CNTNAP2: variants seen among roughly 807,000 people sequenced by gnomAD.
The protein encoded by CNTNAP2 is contactin-associated protein-like 2.
CNTNAP2 carries 98 observed loss-of-function variants against 155.2 expected under a neutral mutation model. That is an observed-to-expected ratio of 0.63 (90% CI 0.54 to 0.75). The LOEUF (loss-of-function observed/expected upper bound fraction) is 0.75, where lower values mean the gene tolerates loss of function less well. CNTNAP2 is among the 30% of genes least tolerant of loss of function. CNTNAP2 has a pLI of 0.00. For missense variants in CNTNAP2, 1,727 were observed against 1,688.1 expected (o/e 1.02, Z -0.40); for synonymous variants, 651 against 631.2 (o/e 1.03, Z -0.47).
At chr7:147,397,773 T>A (rs1487155279) in intron 10 of CNTNAP2, among the ~76,000 whole-genome samples, 4 of 150,770 alleles carry the variant, frequency 2.7e-5, no homozygotes, top group African/African-American at 9.7e-5. Context: ...ACACAAAATT[T>A]TTTTTTTTTT....
At chr7:147,651,945 C>T (rs769416110) in intron 13 of CNTNAP2, among the ~76,000 whole-genome samples, 30 of 152,118 alleles carry the variant, frequency 2.0e-4, no homozygotes, top group Non-Finnish European at 4.1e-4. Context: ...CAACATTCCT[C>T]TGCAATGTTT....
intron 3 of CNTNAP2, among the ~76,000 whole-genome samples, chr7:146,876,649 T>C (rs551397617): frequency 1.3e-5 from 2 of 152,278 alleles, no homozygotes; most frequent in Admixed American, 1.3e-4. Flanking sequence ...GACATACTGA[T>C]TTAAAACATG....
intron 20 of CNTNAP2, among the ~76,000 whole-genome samples, chr7:148,247,129 G>A (rs560094144): frequency 6.6e-6 from 1 of 152,268 alleles, no homozygotes; most frequent in South Asian, 2.1e-4. Context: ...AACCTTAGTG[G>A]TAATATGTAC....
In CNTNAP2 at chr7:148,246,006, T is replaced by C. The variant is rs554753804; in HGVS notation, c.3381+16227T>C. Among the ~76,000 whole-genome samples, 3 of 152,366 alleles carry C rather than the reference T, an allele frequency of 2.0e-5. No individual in the cohort carries two copies. The East Asian group carries it at 5.8e-4, about 29-fold the overall frequency. On this transcript the variant is annotated intron_variant, in intron 20 of 23. Coordinates refer to ENST00000361727, the MANE Select transcript of CNTNAP2 (RefSeq NM_014141.6). ...TTCAGTGTTTCCAGGGAACAGAGCA[T>C]TGCTGCTTTCCATAAACTGGCAGAA...
chr7:146,584,328 T>C (rs1798655313), intron 1 of CNTNAP2, among the ~76,000 whole-genome samples: 1 of 152,172 alleles, frequency 6.6e-6, no homozygotes, highest in Non-Finnish European at 1.5e-5. Context: ...ACCGAAAGAA[T>C]TCAGTCAATG....
At chr7:146,963,853 A>G (rs1179924251) in intron 3 of CNTNAP2, among the ~76,000 whole-genome samples, 3 of 152,156 alleles carry the variant, frequency 2.0e-5, no homozygotes, top group African/African-American at 7.2e-5. Flanking sequence ...TCAACACTGT[A>G]GGATTCTGAT....
chr7:147,515,859 G>C (rs1389309989), intron 11 of CNTNAP2, among the ~76,000 whole-genome samples: 2 of 152,062 alleles, frequency 1.3e-5, no homozygotes, highest in Non-Finnish European at 2.9e-5. Context: ...GAAGAGAAGG[G>C]GCTGAAATTA....
intron 9 of CNTNAP2, among the ~76,000 whole-genome samples, chr7:147,370,790 G>T (rs62482227): frequency 0.012 from 1,817 of 152,138 alleles, 19 homozygotes; most frequent in Non-Finnish European, 0.021. Flanking sequence ...CATTGAATTT[G>T]ATTTTAGTAG....
chr7:147,755,124 C>T (rs941364618), intron 13 of CNTNAP2, among the ~76,000 whole-genome samples: 1 of 152,098 alleles, frequency 6.6e-6, no homozygotes, highest in African/African-American at 2.4e-5. Flanking sequence ...GTTGTGACCT[C>T]AGGCAGAAAA....
At chr7:147,211,694 A>G (rs1270648330) in intron 8 of CNTNAP2, among the ~76,000 whole-genome samples, 2 of 152,106 alleles carry the variant, frequency 1.3e-5, no homozygotes, top group African/African-American at 4.8e-5. Context: ...CTCAAACTAT[A>G]AGAATCCTAG....
intron 13 of CNTNAP2, among the ~76,000 whole-genome samples, chr7:147,837,016 C>T (rs891185946): frequency 2.0e-5 from 3 of 152,196 alleles, no homozygotes; most frequent in Non-Finnish European, 2.9e-5. Flanking sequence ...AAACCTGTTA[C>T]ATTTCACCAT....
chr7:146,331,805 G>A (rs1032688037), intron 1 of CNTNAP2, among the ~76,000 whole-genome samples: 2 of 152,062 alleles, frequency 1.3e-5, no homozygotes, highest in Non-Finnish European at 2.9e-5. Context: ...ATCTCTAACT[G>A]GTCACACAGA....
chr7:148,040,284 G>T (rs1302240551), intron 15 of CNTNAP2, among the ~76,000 whole-genome samples: 1 of 152,126 alleles, frequency 6.6e-6, no homozygotes, highest in Non-Finnish European at 1.5e-5. Flanking sequence ...GAACTAAACT[G>T]AAAATAATGT....
intron 1 of CNTNAP2, among the ~76,000 whole-genome samples, chr7:146,325,477 A>G (rs1801081934): frequency 6.6e-6 from 1 of 152,148 alleles, no homozygotes; most frequent in Non-Finnish European, 1.5e-5. Flanking sequence ...CTTACTGAAT[A>G]TTGTCTTTCC....
At chr7:148,017,076 T>C (rs185768648) in intron 15 of CNTNAP2, among the ~76,000 whole-genome samples, 88 of 152,350 alleles carry the variant, frequency 5.8e-4, no homozygotes, top group Non-Finnish European at 8.2e-4. Context: ...TCTTGATAGA[T>C]GGTCAGAATA....
At chr7:148,214,210 C>T (rs963974686) in intron 18 of CNTNAP2, among the ~76,000 whole-genome samples, 6 of 152,200 alleles carry the variant, frequency 3.9e-5, no homozygotes, top group African/African-American at 9.7e-5. Flanking sequence ...CCTCCAGGTC[C>T]GGAGCTCCTT....
At chr7:147,154,844 A>G (rs1410442284) in intron 8 of CNTNAP2, among the ~76,000 whole-genome samples, 1 of 151,462 alleles carries the variant, frequency 6.6e-6, no homozygotes, top group African/African-American at 2.4e-5. Flanking sequence ...TTCTGATAGA[A>G]AAAAAAAAGA....
intron 13 of CNTNAP2, among the ~76,000 whole-genome samples, chr7:147,758,340 T>C (rs948558270): frequency 6.6e-6 from 1 of 152,196 alleles, no homozygotes; most frequent in Non-Finnish European, 1.5e-5. Context: ...CTCTTTTCTT[T>C]AGTTCCAAGA....
At chr7:147,762,809 G>GGGAAGGAAA (rs1310383576) in intron 13 of CNTNAP2, among the ~76,000 whole-genome samples, 2,989 of 151,294 alleles carry the variant, frequency 0.02, 91 homozygotes, top group African/African-American at 0.069. Context: ...AGGGAAGGAA[G>GGGAAGGAAA]GGAAGGAAAG....
Sources: allele counts gnomAD v4.1 joint callset (sites outside exome capture counted in the v4.1 genomes callset), GRCh38; gene constraint gnomAD v4.1.1; transcripts MANE v1.5; gene names NCBI Gene and HGNC (gene_info 2026-07-23, HGNC 2026-07-21).